Variants in KRT75 observed in about 807,000 individuals in gnomAD.
KRT75 encodes keratin 75.
KRT75 carries 35 observed loss-of-function variants against 48.8 expected under a neutral mutation model. The ratio of observed to expected loss-of-function variants is 0.72; its 90% confidence interval spans 0.55 to 0.95. KRT75 has a LOEUF of 0.95. KRT75 is among the 40% of genes least tolerant of loss of function. The pLI, the probability that KRT75 is intolerant of heterozygous loss-of-function variation, is 0.00. For missense variants in KRT75, 776 were observed against 709.9 expected, an observed-to-expected ratio of 1.09 and a Z score of -1.06; for synonymous variants, 301 against 282.3, an observed-to-expected ratio of 1.07 and a Z score of -0.66.
Position 52,431,557 on chromosome 12 carries a change from A to C in KRT75, c.856T>G (p.Ser286Ala), listed in dbSNP as rs1358556206. The change falls in exon 4 of 9, where the codon TCA (serine) becomes GCA (alanine). Residue 286 changes from serine to alanine, a missense_variant. Physicochemically the swap from Ser to Ala is moderately conservative, Grantham distance 99 (BLOSUM62 1). Coordinates refer to ENST00000252245, the MANE Select transcript of KRT75 (RefSeq NM_004693.3). Reference sequence around the variant, plus strand: ...CAGACTCTTACTGCATCAAAGACTGAGTGGATGAAGTTGATCTCCTCGGGC... The same window carrying C: ...CAGACTCTTACTGCATCAAAGACTGCGTGGATGAAGTTGATCTCCTCGGGC... Reference protein sequence around the residue: ...SLPEEINFIHSVFDAELSQLQ... With the variant: ...SLPEEINFIHAVFDAELSQLQ... 15 of 1,610,938 alleles carry C rather than the reference A, an allele frequency of 9.3e-6. No individual in the cohort carries two copies. Among genetic ancestry groups the C allele is most frequent in the Non-Finnish European group, 1.2e-5 (14 of 1,177,200 alleles).
intron 7 of KRT75, 97 bp downstream of exon 7, chr12:52,428,159 G>A (rs945535782): frequency 1.2e-5 from 17 of 1,459,594 alleles, no homozygotes; most frequent in Admixed American, 1.7e-5. Context: ...TCTTCCAGGA[G>A]AAGAAGGGGC....
chr12:52,425,116 G>C (rs115461360), intron 8 of KRT75, among the ~76,000 whole-genome samples: 1 of 121,456 alleles, frequency 8.2e-6, no homozygotes, highest in Non-Finnish European at 1.9e-5. Flanking sequence ...GGATGCTTAT[G>C]GGGGGAGGGG....
chr12:52,427,322 G>C (rs919260117), intron 7 of KRT75, among the ~76,000 whole-genome samples: 1 of 152,204 alleles, frequency 6.6e-6, no homozygotes, highest in African/African-American at 2.4e-5. Context: ...TAGCAACCAA[G>C]TAACTTTGCT....
At position 52,426,736 on chromosome 12, in the gene KRT75, T is replaced by A. The variant is rs1014863769; in HGVS notation, c.1417+81A>T. The A allele has an allele frequency of 5.9e-5, 81 of 1,383,488 alleles. No homozygotes were observed. In the East Asian group the frequency reaches 1.8e-3, roughly 30 times the overall value. The allele number at this position is 1,383,488 out of a possible 1,614,324, so 85.7% of individuals were successfully genotyped here. ...AGATCCCGTCTAACCCGTCATATCT[T>A]CACCCTCTGGCAAGCCCACCACATC... On this transcript the variant is annotated intron_variant, in intron 8 of 8. Coordinates refer to ENST00000252245, the MANE Select transcript of KRT75 (RefSeq NM_004693.3).
In KRT75 at chr12:52,430,548, T is replaced by C; in HGVS notation, c.1028A>G (p.Gln343Arg). 1 of 1,614,160 alleles carries C rather than the reference T, an allele frequency of 6.2e-7. No homozygotes were observed. The highest frequency in any genetic ancestry group is 8.5e-7 in the Non-Finnish European group (1 of 1,179,990). Residue 343 changes from glutamine (Q) to arginine (R), a missense_variant, in exon 5 of 9, where the codon CAG becomes CGG. Gln to Arg is a conservative substitution (Grantham distance 43). Transcript: ENST00000252245. ...RSRAEAESWY[Q>R]TKYEELQVTA... is the part of the protein sequence containing the mutation. ...GGAGGTGTCCATGCTCACCTTGGTC[T>C]GGTACCAGGACTCAGCCTCGGCCCG... is the stretch of plus-strand genomic sequence containing the variant.
chr12:52,434,067 AGCT>A lies in KRT75; in HGVS notation c.235_237del (p.Ser79del), dbSNP rs764379647. The A allele has an allele frequency of 6.2e-7, 1 of 1,614,160 alleles. No homozygotes were observed. Among genetic ancestry groups the A allele is most frequent in the South Asian group, 1.1e-5 (1 of 91,076 alleles). Reference sequence around the variant, plus strand: ...GCCCTGCCACCAAAGCCACTTCGGCAGCTGCTGCCACACCCATTGATGGAGACC... The same window carrying A: ...GCCCTGCCACCAAAGCCACTTCGGCAGCTGCCACACCCATTGATGGAGACC... On this transcript the variant is annotated inframe_deletion, in exon 1 of 9. Coordinates refer to ENST00000252245, the MANE Select transcript of KRT75 (RefSeq NM_004693.3).
At chr12:52,430,883 G>A (rs1940136551) in intron 4 of KRT75, among the ~76,000 whole-genome samples, 178 bp from the exon 5 acceptor site, 1 of 152,196 alleles carries the variant, frequency 6.6e-6, no homozygotes, top group African/African-American at 2.4e-5. Flanking sequence ...ATCTTTCCCA[G>A]CCTTACTTCT....
intron 5 of KRT75, among the ~76,000 whole-genome samples, chr12:52,430,046 A>G (rs887129220): frequency 6.6e-6 from 1 of 152,032 alleles, no homozygotes; most frequent in Non-Finnish European, 1.5e-5. Flanking sequence ...ATGGCTTCCC[A>G]ACTGTACAAA....
chr12:52,428,603 C>T lies in KRT75; in HGVS notation c.1161+15G>A, dbSNP rs1464733935. 6.2e-7 allele frequency: 1 copy of T among 1,614,106 alleles called. No homozygotes were observed. Among genetic ancestry groups the T allele is most frequent in the Non-Finnish European group, 8.5e-7 (1 of 1,180,056 alleles). On this transcript the variant is annotated intron_variant, in intron 6 of 8. Coordinates refer to ENST00000252245, the MANE Select transcript of KRT75 (RefSeq NM_004693.3). ...ATGAGCATTTGAGGAGCTCTTGGCC[C>T]TGCCAAATCTTTACCTGCTTCTTGA...
chr12:52,434,355 C>T lies in KRT75; in HGVS notation c.-51G>A, dbSNP rs1940191578. The T allele has an allele frequency of 1.3e-6, 2 of 1,544,138 alleles. No homozygotes were observed. The highest frequency in any genetic ancestry group is 2.3e-5 in the East Asian group (1 of 44,366). On this transcript the variant is annotated 5_prime_UTR_variant, in exon 1 of 9. Coordinates refer to ENST00000252245, the MANE Select transcript of KRT75 (RefSeq NM_004693.3). ...GGCACCTGAGGTGGGCTGGTACAGG[C>T]AGTGGAGAAGACAGGTGGCTGGAGA...
At position 52,433,059 on chromosome 12, in the gene KRT75, A is replaced by G; in HGVS notation, c.692T>C (p.Val231Ala). ...LEAELRNMQDVVEDFKVRYED... is the reference protein window; with the variant it reads ...LEAELRNMQDAVEDFKVRYED... ...TTACCTGACTTTGAAATCTTCCACAACATCCTGCATGTTCCTCAGTTCAGC... is the reference window on the plus strand; with the variant it reads ...TTACCTGACTTTGAAATCTTCCACAGCATCCTGCATGTTCCTCAGTTCAGC... Residue 231 changes from valine (V) to alanine (A), a missense_variant, in exon 2 of 9, where the codon GTT becomes GCT. By Grantham distance (64) the Val-to-Ala change is moderately conservative (BLOSUM62 0). Transcript: ENST00000252245. 1 of 1,611,744 alleles carries G rather than the reference A, an allele frequency of 6.2e-7. No homozygotes were observed. Among genetic ancestry groups the G allele is most frequent in the Non-Finnish European group, 8.5e-7 (1 of 1,179,646 alleles).
At chr12:52,431,718 C>G in intron 3 of KRT75, 80 bp from the exon 4 acceptor site, 2 of 1,118,158 alleles carry the variant, frequency 1.8e-6, no homozygotes. Context: ...AGATTTCTCC[C>G]CAGCCCATCT....
rs2232389 is a variant in KRT75 at position 52,433,129 on chromosome 12, G to A, written c.622C>T (p.Arg208Ter). ...PLFDSYTSEL[R>*]RQLESITTER... Reference sequence around the variant, plus strand: ...GTGGTGATGCTTTCCAGCTGCCGTCGGAGCTCACTGGTATAGGAATCAAAG... The same window carrying A: ...GTGGTGATGCTTTCCAGCTGCCGTCAGAGCTCACTGGTATAGGAATCAAAG... The change falls in exon 2 of 9, where the codon CGA becomes TGA. Residue 208 changes from arginine (R) to a stop codon, truncating the protein, a stop_gained. Transcript: ENST00000252245. LOFTEE classifies it high-confidence loss of function. 52 of 1,613,530 alleles carry A rather than the reference G, an allele frequency of 3.2e-5. No individual in the cohort carries two copies. Among genetic ancestry groups the A allele is most frequent in the Admixed American group, 5.0e-5 (3 of 59,966 alleles).
chr12:52,431,051 C>T (rs552504031), intron 4 of KRT75, among the ~76,000 whole-genome samples: 24 of 152,316 alleles, frequency 1.6e-4, no homozygotes, highest in African/African-American at 4.8e-4. Context: ...CTGCTTCCCC[C>T]TGCACAGTGT....
chr12:52,426,787 C>T (rs775165817), intron 8 of KRT75, 30 bp downstream of exon 8: 23 of 1,612,312 alleles, frequency 1.4e-5, no homozygotes, highest in Non-Finnish European at 2.0e-5. Context: ...ACACACACTC[C>T]AAATGGCCCA....
Position 52,433,855 on chromosome 12 carries a change from G to T in KRT75, c.450C>A (p.Arg150=), listed in dbSNP as rs138137930. ...TATTGTTGAGGGTCTTGATCTGCTC[G>T]CGCTCCTCGGCCCGCACCCGCTGGA... ...PTIQRVRAEE[R]EQIKTLNNKF... is the part of the protein sequence containing the mutation. Residue 150 remains arginine, a synonymous_variant, in exon 1 of 9, where the codon CGC becomes CGA. Coordinates refer to ENST00000252245, the MANE Select transcript of KRT75 (RefSeq NM_004693.3). 2.5e-6 allele frequency: 4 copies of T among 1,614,030 alleles called. No homozygotes were observed. In the African/African-American group the frequency reaches 5.3e-5, roughly 22 times the overall value.
chr12:52,428,195 G>A, intron 7 of KRT75, 61 bp downstream of exon 7: 1 of 1,597,778 alleles, frequency 6.3e-7, no homozygotes. Flanking sequence ...CCCTAGGAAT[G>A]CCCAGGAAGC....
chr12:52,429,770 G>C (rs887243303), intron 5 of KRT75, among the ~76,000 whole-genome samples: 10 of 152,194 alleles, frequency 6.6e-5, no homozygotes, highest in African/African-American at 2.4e-4. Context: ...ATGAGGCAAC[G>C]TATGGAGCAG....
chr12:52,431,467 T>C, intron 4 of KRT75, 76 bp downstream of exon 4: 2 of 1,103,574 alleles, frequency 1.8e-6, no homozygotes, highest in South Asian at 2.5e-5. Context: ...ACTGAATGAA[T>C]GAATGGCACA....
Sources: allele counts gnomAD v4.1 joint callset (sites outside exome capture counted in the v4.1 genomes callset), GRCh38; gene constraint gnomAD v4.1.1; transcripts MANE v1.5; gene names NCBI Gene and HGNC (gene_info 2026-07-23, HGNC 2026-07-21).